Variants in AKIRIN1 observed in about 807,000 individuals in gnomAD.
AKIRIN1 encodes the protein akirin-1.
AKIRIN1 carries 4 observed loss-of-function variants against 25.9 expected under a neutral mutation model. That is an observed-to-expected ratio of 0.15 (90% confidence interval 0.08 to 0.35). The LOEUF (loss-of-function observed/expected upper bound fraction) is 0.35. Ranked by LOEUF, AKIRIN1 falls within the 10% of genes least tolerant of loss-of-function variation. AKIRIN1 has a pLI of 1.00. For missense variants in AKIRIN1, 243 were observed against 266.1 expected, an observed-to-expected ratio of 0.91 and a Z score of 0.61; for synonymous variants, 125 against 105.1, an observed-to-expected ratio of 1.19 and a Z score of -1.16.
At chr1:38,998,414 C>T (rs1643963775) in intron 2 of AKIRIN1, 103 bp downstream of exon 2, 9 of 1,246,024 alleles carry the variant, frequency 7.2e-6, no homozygotes, top group Admixed American at 2.7e-5. Flanking sequence ...GAATTGCTAA[C>T]GGGGATGTAT....
At chr1:39,002,469 G>T (rs931291612) in intron 3 of AKIRIN1, among the ~76,000 whole-genome samples, 3 of 152,126 alleles carry the variant, frequency 2.0e-5, no homozygotes, top group African/African-American at 7.2e-5. Flanking sequence ...AGTGGCTCAC[G>T]CCTGTAATCC....
chr1:39,002,271 CACA>C (rs1183355958), intron 3 of AKIRIN1, among the ~76,000 whole-genome samples: 1 of 152,162 alleles, frequency 6.6e-6, no homozygotes, highest in Non-Finnish European at 1.5e-5. Context: ...AGTGAAGAAG[CACA>C]ACTTTTTCCT....
intron 1 of AKIRIN1, among the ~76,000 whole-genome samples, chr1:38,993,870 A>G (rs1643927347): frequency 6.6e-6 from 1 of 152,008 alleles, no homozygotes; most frequent in South Asian, 2.1e-4. Flanking sequence ...CGGGAGTTCA[A>G]GACCACCCTG....
At chr1:38,996,740 A>G (rs757156016) in intron 1 of AKIRIN1, among the ~76,000 whole-genome samples, 2 of 150,762 alleles carry the variant, frequency 1.3e-5, no homozygotes, top group Non-Finnish European at 3.0e-5. Flanking sequence ...CATGTTAGCC[A>G]AGATAGTCTC....
intron 2 of AKIRIN1, among the ~76,000 whole-genome samples, chr1:38,998,548 T>G (rs751106465): frequency 6.6e-6 from 1 of 152,184 alleles, no homozygotes; most frequent in African/African-American, 2.4e-5. Flanking sequence ...ATGTGTAATA[T>G]TGTAGCCAGG....
intron 1 of AKIRIN1, among the ~76,000 whole-genome samples, chr1:38,996,414 C>T (rs765906304): frequency 1.3e-4 from 19 of 150,388 alleles, no homozygotes; most frequent in South Asian, 2.1e-4. Context: ...TACTGGGTCT[C>T]GTTATGTTGC....
At chr1:38,991,651 TGGG>T in intron 1 of AKIRIN1, 51 bp downstream of exon 1, 4 of 156,560 alleles carry the variant, frequency 2.6e-5, no homozygotes, top group Non-Finnish European at 2.6e-5. Context: ...AGGCATTTTT[TGGG>T]GGGGGTGGTG....
In AKIRIN1 at chr1:39,004,556, C is replaced by G. The variant is rs578060972; in HGVS notation, c.*501C>G. 2.2e-5 allele frequency: 5 copies of G among 224,490 alleles called. No homozygotes were observed. 13.9% of individuals were successfully genotyped at this position (224,490 alleles called of 1,614,324 possible). ...AGATCATTAATGTTTTGTGACCATACAAGTTGTAACAGTGGATTGTTTTTA... is the reference window on the plus strand; with the variant it reads ...AGATCATTAATGTTTTGTGACCATAGAAGTTGTAACAGTGGATTGTTTTTA... On this transcript the variant is annotated 3_prime_UTR_variant, in exon 5 of 5. Transcript: ENST00000432648.
At chr1:39,000,613 G>A (rs1298350393) in intron 2 of AKIRIN1, among the ~76,000 whole-genome samples, 1 of 151,278 alleles carries the variant, frequency 6.6e-6, no homozygotes. Context: ...ACCTCCCAGA[G>A]TGCTGGGATT....
At chr1:38,999,274 C>T (rs1014673756) in intron 2 of AKIRIN1, among the ~76,000 whole-genome samples, 2 of 152,184 alleles carry the variant, frequency 1.3e-5, no homozygotes, top group Admixed American at 6.6e-5. Context: ...TAAAAAATGT[C>T]TCCTTACAAA....
chr1:38,996,829 G>A (rs1643951714), intron 1 of AKIRIN1, among the ~76,000 whole-genome samples: 1 of 152,132 alleles, frequency 6.6e-6, no homozygotes, highest in Non-Finnish European at 1.5e-5. Context: ...ATACCCAGCT[G>A]GCCCATAACA....
intron 2 of AKIRIN1, among the ~76,000 whole-genome samples, chr1:38,999,434 C>T (rs1037688908): frequency 4.6e-5 from 7 of 152,154 alleles, no homozygotes; most frequent in Non-Finnish European, 8.8e-5. Context: ...TGCTAAATGC[C>T]ACTGACTTGT....
chr1:38,991,503 G>A lies in AKIRIN1; in HGVS notation c.123G>A (p.Pro41=), dbSNP rs1199425124. 2 of 1,451,140 alleles carry A rather than the reference G, an allele frequency of 1.4e-6. No individual in the cohort carries two copies. Among genetic ancestry groups the A allele is most frequent in the Non-Finnish European group, 1.8e-6 (2 of 1,106,444 alleles). The allele number at this position is 1,451,140 out of a possible 1,614,324, so 89.9% of individuals were successfully genotyped here. A position where few individuals can be genotyped will look rare whatever the true frequency, so the allele number is the denominator to read the frequency against. ...LPGPTPGLRP[P]DAEPPPPFQT... is the part of the protein sequence containing the mutation. ...GCCCCACTCCGGGCCTCAGGCCCCC[G>A]GACGCCGAGCCGCCGCCGCCGTTTC... Residue 41 remains proline, a synonymous_variant, in exon 1 of 5, where the codon CCG becomes CCA. Coordinates refer to ENST00000432648, the MANE Select transcript of AKIRIN1 (RefSeq NM_024595.3).
intron 1 of AKIRIN1, among the ~76,000 whole-genome samples, chr1:38,994,689 T>C (rs1392956699): frequency 4.0e-5 from 5 of 124,532 alleles, no homozygotes; most frequent in Non-Finnish European, 8.5e-5. Flanking sequence ...TTTTTTTTTT[T>C]TTTTTTTTTT....
At chr1:38,991,660 T>TGGGGGGGGGG in intron 1 of AKIRIN1, 60 bp downstream of exon 1, 1 of 99,206 alleles carries the variant, frequency 1.0e-5, no homozygotes, top group East Asian at 2.1e-4. Flanking sequence ...TTGGGGGGGG[T>TGGGGGGGGGG]GGTGGGGGAG....
rs774157040 is a variant in AKIRIN1 at position 39,004,300 on chromosome 1, A to G, written c.*245A>G. 23 of 662,686 alleles carry G rather than the reference A, an allele frequency of 3.5e-5. No individual in the cohort carries two copies. Among genetic ancestry groups the G allele is most frequent in the South Asian group, 1.4e-4 (9 of 64,102 alleles). 41.1% of individuals were successfully genotyped at this position (662,686 alleles called of 1,614,324 possible). A position where few individuals can be genotyped will look rare whatever the true frequency, so the allele number is the denominator to read the frequency against. ...TACTGTGATAGATTTTCCAAACAAAAATACCTGGAGCAGCAGTTTAGCAAA... is the reference window on the plus strand; with the variant it reads ...TACTGTGATAGATTTTCCAAACAAAGATACCTGGAGCAGCAGTTTAGCAAA... On this transcript the variant is annotated 3_prime_UTR_variant, in exon 5 of 5. Coordinates refer to ENST00000432648, the MANE Select transcript of AKIRIN1 (RefSeq NM_024595.3).
chr1:39,001,157 T>C, intron 3 of AKIRIN1, 51 bp downstream of exon 3: 1 of 1,544,510 alleles, frequency 6.5e-7, no homozygotes, highest in Non-Finnish European at 8.7e-7. Flanking sequence ...CAGTTAAAAA[T>C]TAACACCAGT....
rs536867831 is a variant in AKIRIN1 at position 39,002,348 on chromosome 1, C to G, written c.497-999C>G. ...GTGGTTCCTCAGAATATTAATAGAT[C>G]TGTTTTACATTGGGAGCTGTTGGGT... On this transcript the variant is annotated intron_variant, in intron 3 of 4. Coordinates refer to ENST00000432648, the MANE Select transcript of AKIRIN1 (RefSeq NM_024595.3). Among the ~76,000 whole-genome samples, 4 of 152,284 alleles carry G rather than the reference C, an allele frequency of 2.6e-5. No homozygotes were observed. In the South Asian group the frequency reaches 8.3e-4, roughly 32 times the overall value.
chr1:39,004,337 G>T lies in AKIRIN1; in HGVS notation c.*282G>T, dbSNP rs1051117090. On this transcript the variant is annotated 3_prime_UTR_variant, in exon 5 of 5. Transcript: ENST00000432648. ...AGCAGTTTAGCAAAATATGCCTTCA[G>T]TGGCATTCAACAAATGGAGTTTCCC... 76 of 587,612 alleles carry T rather than the reference G, an allele frequency of 1.3e-4. No homozygotes were observed. The African/African-American group carries it at 1.4e-3, about 11-fold the overall frequency. 36.4% of individuals were successfully genotyped at this position (587,612 alleles called of 1,614,324 possible). A position where few individuals can be genotyped will look rare whatever the true frequency, so the allele number is the denominator to read the frequency against.
Sources: allele counts gnomAD v4.1 joint callset (sites outside exome capture counted in the v4.1 genomes callset), GRCh38; gene constraint gnomAD v4.1.1; transcripts MANE v1.5; gene names NCBI Gene and HGNC (gene_info 2026-07-23, HGNC 2026-07-21).